SYNPO2: variants seen among roughly 807,000 people sequenced by gnomAD.
SYNPO2 encodes the protein synaptopodin-2.
SYNPO2 carries 56 observed loss-of-function variants against 85.0 expected under a neutral mutation model. The ratio of observed to expected loss-of-function variants is 0.66; its 90% CI spans 0.53 to 0.82. The LOEUF is 0.82. SYNPO2 is among the 40% of genes least tolerant of loss of function. The pLI, the probability that SYNPO2 is intolerant of heterozygous loss-of-function variation, is 0.00. For synonymous variants in SYNPO2, 602 were observed against 591.1 expected (o/e 1.02, Z -0.27); for missense variants, 1,575 against 1,534.2 (o/e 1.03, Z -0.44).
At chr4:119,032,137 C>T in intron 4 of SYNPO2, 110 bp downstream of exon 4, 1 of 1,510,302 alleles carries the variant, frequency 6.6e-7, no homozygotes, top group Non-Finnish European at 8.9e-7. Flanking sequence ...GAATGCCTAG[C>T]AAAGTCCTCA....
At chr4:118,885,803 T>A (rs1732188989), upstream of SYNPO2, among the ~76,000 whole-genome samples, 2 of 152,176 alleles carry the variant, frequency 1.3e-5, no homozygotes, top group South Asian at 4.1e-4. Flanking sequence ...TCTTAATGGA[T>A]AATTGGTTGC....
chr4:118,966,267 C>T (rs1317929954), intron 1 of SYNPO2, among the ~76,000 whole-genome samples: 3 of 152,204 alleles, frequency 2.0e-5, no homozygotes, highest in African/African-American at 7.2e-5. Context: ...TTCATCATCG[C>T]TCCCTCTGGC....
chr4:118,924,497 G>C (rs978418584), intron 1 of SYNPO2, among the ~76,000 whole-genome samples: 1 of 152,142 alleles, frequency 6.6e-6, no homozygotes, highest in African/African-American at 2.4e-5. Context: ...GTTACTAGGG[G>C]ACTCAGAGCA....
At chr4:118,946,782 G>A (rs1734519918) in intron 1 of SYNPO2, among the ~76,000 whole-genome samples, 3 of 152,232 alleles carry the variant, frequency 2.0e-5, no homozygotes, top group South Asian at 4.1e-4. Context: ...AAATAATTTA[G>A]CATGCCCTCT....
At chr4:118,900,545 T>C (rs1010230328) in intron 1 of SYNPO2, among the ~76,000 whole-genome samples, 8 of 151,972 alleles carry the variant, frequency 5.3e-5, no homozygotes, top group African/African-American at 1.9e-4. Context: ...ATAAAATTAA[T>C]CATGACCTCC....
chr4:119,034,112 G>T, intron 4 of SYNPO2: 1 of 985,418 alleles, frequency 1.0e-6, no homozygotes, highest in Non-Finnish European at 1.2e-6. Context: ...ACAGTTGTTT[G>T]TATTACTTGT....
chr4:118,946,640 T>C (rs1305564169), intron 1 of SYNPO2, among the ~76,000 whole-genome samples: 2 of 152,254 alleles, frequency 1.3e-5, no homozygotes, highest in Non-Finnish European at 1.5e-5. Context: ...ATCCCTTTTA[T>C]GTTCTTTATT....
At chr4:118,900,685 CTCTCTCTCTCTCTCTCTCTATATATA>C (rs1307123814) in intron 1 of SYNPO2, among the ~76,000 whole-genome samples, 11 of 43,770 alleles carry the variant, frequency 2.5e-4, no homozygotes, top group South Asian at 1.0e-3. Context: ...CTCTCTCTCT[CTCTCTCTCTCTCTCTCTCTATATATA>C]TATATATATA....
chr4:118,913,732 C>T (rs1733217545), intron 1 of SYNPO2, among the ~76,000 whole-genome samples: 6 of 152,222 alleles, frequency 3.9e-5, no homozygotes, highest in Admixed American at 2.6e-4. Context: ...GATCTTGCTA[C>T]CTCACCATCA....
At position 119,031,886 on chromosome 4, in the gene SYNPO2, T is replaced by C; in HGVS notation, c.3111T>C (p.Phe1037=). ...VPAYTSPPSF[F]AEASSPVSAS... ...CCTATACCTCTCCTCCTTCCTTCTT[T>C]GCAGAGGCCTCCTCACCAGTCAGTG... Residue 1037 remains phenylalanine, a synonymous_variant, in exon 4 of 5, where the codon TTT becomes TTC. Coordinates refer to ENST00000307142, the MANE Select transcript of SYNPO2 (RefSeq NM_133477.3). 6.2e-7 allele frequency: 1 copy of C among 1,614,210 alleles called. No homozygotes were observed. The highest frequency in any genetic ancestry group is 2.2e-5 in the East Asian group (1 of 44,872).
chr4:118,898,451 C>G (rs1399715160), intron 1 of SYNPO2, among the ~76,000 whole-genome samples: 1 of 152,202 alleles, frequency 6.6e-6, no homozygotes, highest in Non-Finnish European at 1.5e-5. Flanking sequence ...TGTTATATCA[C>G]TGCTTAAAAT....
chr4:118,906,749 T>A (rs1732951062), intron 1 of SYNPO2, among the ~76,000 whole-genome samples: 1 of 152,228 alleles, frequency 6.6e-6, no homozygotes, highest in African/African-American at 2.4e-5. Context: ...GATCTTTTTT[T>A]ATGCCTAAAA....
Position 119,030,349 on chromosome 4 carries a change from C to G in SYNPO2, c.1574C>G (p.Ala525Gly). The G allele has an allele frequency of 6.2e-7, 1 of 1,614,062 alleles. No homozygotes were observed. Among genetic ancestry groups the G allele is most frequent in the Non-Finnish European group, 8.5e-7 (1 of 1,180,026 alleles). Residue 525 changes from alanine (A) to glycine (G), a missense_variant, in exon 4 of 5, where the codon GCC becomes GGC. By Grantham distance (60) the Ala-to-Gly change is moderately conservative. Coordinates refer to ENST00000307142, the MANE Select transcript of SYNPO2 (RefSeq NM_133477.3). ...GGTPSREQDA[A>G]QTDGLRTTTS... ...ACGCCAAGCAGAGAACAAGATGCTGCCCAGACCGATGGCCTGAGAACCACG... is the reference window on the plus strand; with the variant it reads ...ACGCCAAGCAGAGAACAAGATGCTGGCCAGACCGATGGCCTGAGAACCACG...
At chr4:118,930,336 A>AT (rs1733880943) in intron 1 of SYNPO2, among the ~76,000 whole-genome samples, 1 of 152,202 alleles carries the variant, frequency 6.6e-6, no homozygotes, top group Admixed American at 6.5e-5. Context: ...TCTAGTTATC[A>AT]TATTTTAGTA....
intron 1 of SYNPO2, among the ~76,000 whole-genome samples, chr4:119,006,779 G>C (rs953343191): frequency 3.3e-5 from 5 of 152,078 alleles, no homozygotes; most frequent in African/African-American, 1.2e-4. Flanking sequence ...CTTAGCTGTT[G>C]AGAGCAAGGA....
At chr4:118,977,095 C>T (rs1419591279) in intron 1 of SYNPO2, among the ~76,000 whole-genome samples, 2 of 152,240 alleles carry the variant, frequency 1.3e-5, no homozygotes, top group African/African-American at 2.4e-5. Flanking sequence ...CGCCGTGGAG[C>T]AGGGGGTGGT....
intron 4 of SYNPO2, among the ~76,000 whole-genome samples, chr4:119,039,427 C>A (rs1738639403): frequency 6.6e-6 from 1 of 152,120 alleles, no homozygotes; most frequent in Non-Finnish European, 1.5e-5. Flanking sequence ...TTACACTAAA[C>A]CTTCTAAATC....
chr4:118,887,526 A>G (rs2149112152), upstream of SYNPO2, among the ~76,000 whole-genome samples: 1 of 152,274 alleles, frequency 6.6e-6, no homozygotes, highest in South Asian at 2.1e-4. Context: ...ATCCACCACC[A>G]CTACAGCTGC....
chr4:118,982,045 C>CA (rs529138811), intron 1 of SYNPO2, among the ~76,000 whole-genome samples: 49 of 152,210 alleles, frequency 3.2e-4, no homozygotes, highest in African/African-American at 1.2e-3. Flanking sequence ...GCGTGGGTGT[C>CA]ACAGGCACAT....
Sources: allele counts gnomAD v4.1 joint callset (sites outside exome capture counted in the v4.1 genomes callset), GRCh38; gene constraint gnomAD v4.1.1; transcripts MANE v1.5; gene names NCBI Gene and HGNC (gene_info 2026-07-23, HGNC 2026-07-21).